XKR6: variants seen among roughly 807,000 people sequenced by gnomAD.
XKR6 encodes the protein XK related 6, also known as XK-related protein 6.
A neutral mutation model predicts 56.7 loss-of-function variants in XKR6; 22 were observed. The ratio of observed to expected loss-of-function variants is 0.39; its 90% CI spans 0.28 to 0.55. The LOEUF (loss-of-function observed/expected upper bound fraction) is 0.55. Among genes scored for constraint, XKR6 ranks in the 20% least tolerant of loss-of-function variants. XKR6 has a pLI of 0.66. For synonymous variants in XKR6, 524 were observed against 387.8 expected, an observed-to-expected ratio of 1.35 and a Z score of -4.13; for missense variants, 852 against 889.0, an observed-to-expected ratio of 0.96 and a Z score of 0.53.
At chr8:10,959,014 G>A (rs1249359089) in intron 1 of XKR6, among the ~76,000 whole-genome samples, 1 of 152,192 alleles carries the variant, frequency 6.6e-6, no homozygotes, top group East Asian at 1.9e-4. Flanking sequence ...ACAGACCGGG[G>A]GAAACCCTGC....
At chr8:11,102,270 A>G (rs1263426401) in intron 1 of XKR6, among the ~76,000 whole-genome samples, 2 of 152,106 alleles carry the variant, frequency 1.3e-5, no homozygotes, top group South Asian at 2.1e-4. Context: ...GAGCTCTCCC[A>G]TATTCAAATT....
intron 1 of XKR6, among the ~76,000 whole-genome samples, chr8:11,091,075 T>C (rs1392103534): frequency 6.6e-6 from 1 of 152,110 alleles, no homozygotes; most frequent in Non-Finnish European, 1.5e-5. Context: ...AGCATGTCTG[T>C]ACCAGCAGGT....
chr8:11,150,552 T>C (rs1440945603), intron 1 of XKR6, among the ~76,000 whole-genome samples: 1 of 152,130 alleles, frequency 6.6e-6, no homozygotes, highest in Non-Finnish European at 1.5e-5. Context: ...GACAGAATGA[T>C]CTCTTAAAAT....
intron 1 of XKR6, among the ~76,000 whole-genome samples, chr8:11,113,388 C>T (rs568662839): frequency 6.6e-6 from 1 of 152,192 alleles, no homozygotes; most frequent in South Asian, 2.1e-4. Flanking sequence ...TCCCCTCCAC[C>T]CAAAAAAGTT....
intron 1 of XKR6, among the ~76,000 whole-genome samples, chr8:10,958,830 C>T (rs1801973531): frequency 1.3e-5 from 2 of 152,322 alleles, no homozygotes; most frequent in African/African-American, 2.4e-5. Context: ...AGAGAGGAAA[C>T]AGAACAGAAG....
chr8:11,158,134 G>A (rs1801614906), intron 1 of XKR6, among the ~76,000 whole-genome samples: 1 of 152,164 alleles, frequency 6.6e-6, no homozygotes. Flanking sequence ...GTTGTGCCAG[G>A]CACCGGGACT....
intron 1 of XKR6, among the ~76,000 whole-genome samples, chr8:10,969,019 T>C (rs1802317371): frequency 1.3e-5 from 2 of 152,224 alleles, no homozygotes; most frequent in South Asian, 2.1e-4. Flanking sequence ...ACTAAAATTG[T>C]CAGAAATTTC....
chr8:10,974,800 G>A (rs865952040), intron 1 of XKR6, among the ~76,000 whole-genome samples: 1 of 152,220 alleles, frequency 6.6e-6, no homozygotes, highest in African/African-American at 2.4e-5. Flanking sequence ...CTCGAGGTGG[G>A]AACTCCTGGG....
chr8:11,098,055 A>C (rs1024414846), intron 1 of XKR6, among the ~76,000 whole-genome samples: 1 of 152,102 alleles, frequency 6.6e-6, no homozygotes, highest in African/African-American at 2.4e-5. Flanking sequence ...CTGTTGTGAA[A>C]GTTGTTGGCA....
At chr8:11,142,680 C>G (rs1800767535) in intron 1 of XKR6, among the ~76,000 whole-genome samples, 1 of 152,290 alleles carries the variant, frequency 6.6e-6, no homozygotes, top group East Asian at 1.9e-4. Flanking sequence ...ATTCCTGAGG[C>G]CCTCACCAGA....
intron 1 of XKR6, among the ~76,000 whole-genome samples, chr8:11,168,322 TGATTA>T (rs1366330356): frequency 2.0e-4 from 31 of 152,202 alleles, no homozygotes; most frequent in African/African-American, 7.5e-4. Context: ...ATACTATATT[TGATTA>T]AAGAATAAAT....
At chr8:10,979,641 G>C (rs1015737553) in intron 1 of XKR6, among the ~76,000 whole-genome samples, 2 of 152,156 alleles carry the variant, frequency 1.3e-5, no homozygotes, top group Non-Finnish European at 2.9e-5. Flanking sequence ...CTCCTCCTTG[G>C]GGGACACACG....
At chr8:11,111,624 T>A (rs575505881) in intron 1 of XKR6, 1 of 152,284 alleles carries the variant, frequency 6.6e-6, no homozygotes, top group East Asian at 1.9e-4. Context: ...AAAATGAGGT[T>A]CATAAGAACC....
chr8:10,914,229 G>C (rs1273175572), intron 2 of XKR6, among the ~76,000 whole-genome samples: 1 of 152,142 alleles, frequency 6.6e-6, no homozygotes, highest in Non-Finnish European at 1.5e-5. Context: ...CCCGGTCTTA[G>C]CAAGGCAGGG....
At position 11,052,272 on chromosome 8, in the gene XKR6, G is replaced by A. The variant is rs138321336; in HGVS notation, c.765-127442C>T. Reference sequence around the variant, plus strand: ...CTGCTCAAGGATAGCAGCTCAGAGGGGCCTCCCTTGACTCCCGAATCTAAA... The same window carrying A: ...CTGCTCAAGGATAGCAGCTCAGAGGAGCCTCCCTTGACTCCCGAATCTAAA... On this transcript the variant is annotated intron_variant, in intron 1 of 2. Transcript: ENST00000416569. 1.6e-3 allele frequency among the ~76,000 whole-genome samples: 243 copies of A among 152,118 alleles called. 2 individuals carry two copies. Among genetic ancestry groups the A allele is most frequent in the Middle Eastern group, 0.014 (4 of 294 alleles).
chr8:10,943,403 C>A (rs1161011461), intron 1 of XKR6, among the ~76,000 whole-genome samples: 1 of 152,156 alleles, frequency 6.6e-6, no homozygotes, highest in Non-Finnish European at 1.5e-5. Context: ...TTGACTCCGA[C>A]CTGCCTTCTC....
At chr8:10,966,634 A>G (rs1361804102) in intron 1 of XKR6, among the ~76,000 whole-genome samples, 1 of 152,156 alleles carries the variant, frequency 6.6e-6, no homozygotes, top group Non-Finnish European at 1.5e-5. Flanking sequence ...AGATCGCACC[A>G]CTACACTCCA....
chr8:11,002,991 G>C (rs553457791), intron 1 of XKR6, among the ~76,000 whole-genome samples: 1 of 151,894 alleles, frequency 6.6e-6, no homozygotes, highest in African/African-American at 2.4e-5. Flanking sequence ...ACTGGCTAAG[G>C]GGACCACTGA....
intron 1 of XKR6, among the ~76,000 whole-genome samples, chr8:11,011,083 G>C (rs934941173): frequency 1.3e-5 from 2 of 152,234 alleles, no homozygotes; most frequent in Non-Finnish European, 2.9e-5. Flanking sequence ...GCTTGGGCCA[G>C]CTCAGTAACT....
Sources: allele counts gnomAD v4.1 joint callset (sites outside exome capture counted in the v4.1 genomes callset), GRCh38; gene constraint gnomAD v4.1.1; transcripts MANE v1.5; gene names NCBI Gene and HGNC (gene_info 2026-07-23, HGNC 2026-07-21).